The following BAHD1 variants were observed in gnomAD, a reference collection of about 807,000 sequenced individuals.
The protein encoded by BAHD1 is bromo adjacent homology domain containing 1.
In BAHD1, 20 loss-of-function variants were observed where a neutral mutation model predicts 63.1. That is an observed-to-expected ratio of 0.32 (90% CI 0.22 to 0.46). The LOEUF (loss-of-function observed/expected upper bound fraction) is 0.46. Among genes scored for constraint, BAHD1 ranks in the 20% least tolerant of loss-of-function variants. BAHD1 has a pLI of 1.00. For synonymous variants in BAHD1, 408 were observed against 426.8 expected (o/e 0.96, Z 0.54); for missense variants, 939 against 1,071.8 (o/e 0.88, Z 1.73).
upstream of BAHD1, among the ~76,000 whole-genome samples, chr15:40,440,736 C>T (rs1893373063): frequency 6.6e-6 from 1 of 152,142 alleles, no homozygotes; most frequent in Non-Finnish European, 1.5e-5. Context: ...CTCCCCGCAC[C>T]GCCTCCCCCG....
At chr15:40,438,339 A>G (rs752904905), upstream of BAHD1, among the ~76,000 whole-genome samples, 37 of 152,074 alleles carry the variant, frequency 2.4e-4, no homozygotes, top group Non-Finnish European at 5.1e-4. Context: ...CCTTTGGGGG[A>G]CAGGCAGGGT....
upstream of BAHD1, chr15:40,439,690 A>AAT (rs1448759971): frequency 6.6e-6 from 1 of 152,484 alleles, no homozygotes; most frequent in East Asian, 1.9e-4. Flanking sequence ...CTGAATTGGG[A>AAT]ATGAGGCTTT....
chr15:40,439,544 A>T (rs1893346156), upstream of BAHD1, among the ~76,000 whole-genome samples: 1 of 152,196 alleles, frequency 6.6e-6, no homozygotes, highest in Non-Finnish European at 1.5e-5. Context: ...GGGCAGCCTC[A>T]GCACTCTGGG....
chr15:40,452,649 C>T (rs897669880), intron 1 of BAHD1, among the ~76,000 whole-genome samples: 2 of 152,158 alleles, frequency 1.3e-5, no homozygotes, highest in Non-Finnish European at 2.9e-5. Flanking sequence ...CTTGTTTCCC[C>T]AGAGCAGTGC....
chr15:40,441,729 C>A (rs1317914880), intron 1 of BAHD1, among the ~76,000 whole-genome samples: 4 of 149,360 alleles, frequency 2.7e-5, no homozygotes, highest in African/African-American at 9.7e-5. Context: ...CCGCCGCGCC[C>A]CCTCCCCCAT....
intron 1 of BAHD1, among the ~76,000 whole-genome samples, chr15:40,446,331 G>A (rs1472470463): frequency 2.6e-5 from 4 of 152,236 alleles, no homozygotes; most frequent in South Asian, 4.1e-4. Flanking sequence ...ACTGAACACC[G>A]GCCCAGCCCT....
Position 40,466,098 on chromosome 15 carries a change from C to G in BAHD1, c.2311C>G (p.Arg771Gly). 6.2e-7 allele frequency: 1 copy of G among 1,613,950 alleles called. No individual in the cohort carries two copies. The highest frequency in any genetic ancestry group is 8.5e-7 in the Non-Finnish European group (1 of 1,179,876). Residue 771 changes from arginine (R) to glycine (G), a missense_variant, in exon 7 of 7, where the codon CGC (arginine) becomes GGC (glycine). Physicochemically the swap from Arg to Gly is moderately radical, Grantham distance 125. Coordinates refer to ENST00000416165, the MANE Select transcript of BAHD1 (RefSeq NM_014952.5). ...CCTTTGCCGCCATGTCTATGACTTCCGCCACGGGCGCATCCTTAAGAACCC... is the reference window on the plus strand; with the variant it reads ...CCTTTGCCGCCATGTCTATGACTTCGGCCACGGGCGCATCCTTAAGAACCC... ...VFLCRHVYDF[R>G]HGRILKNPQ
At chr15:40,443,999 G>A (rs1398184396) in intron 1 of BAHD1, among the ~76,000 whole-genome samples, 1 of 152,112 alleles carries the variant, frequency 6.6e-6, no homozygotes, top group Admixed American at 6.6e-5. Flanking sequence ...GGCCAACATA[G>A]TCATCCCCGC....
intron 3 of BAHD1, 38 bp from the exon 4 acceptor site, chr15:40,463,823 C>G: frequency 6.2e-7 from 1 of 1,610,210 alleles, no homozygotes; most frequent in Non-Finnish European, 8.5e-7. Context: ...CTGAGTGTGG[C>G]TCTGCAAGCC....
At chr15:40,452,611 C>T (rs1159161192) in intron 1 of BAHD1, among the ~76,000 whole-genome samples, 1 of 151,846 alleles carries the variant, frequency 6.6e-6, no homozygotes, top group African/African-American at 2.4e-5. Context: ...GTGATCTGGG[C>T]TGTGACCTGC....
Position 40,462,083 on chromosome 15 carries a change from G to A in BAHD1, c.1604G>A (p.Cys535Tyr), listed in dbSNP as rs1421048710. 2.5e-6 allele frequency: 4 copies of A among 1,613,436 alleles called. No individual in the cohort carries two copies. The South Asian group carries it at 3.3e-5, about 13-fold the overall frequency. Residue 535 changes from cysteine (C) to tyrosine (Y), a missense_variant, in exon 3 of 7, where the codon TGC becomes TAC. Transcript: ENST00000416165. ...TSEPQTVARACPQSAKPPSGS... is the reference protein window; with the variant it reads ...TSEPQTVARAYPQSAKPPSGS... ...GAGCCCCAGACAGTAGCCCGTGCGT[G>A]CCCTCAGAGCGCCAAACCTCCCAGC...
chr15:40,460,451 C>T (rs935212940), intron 2 of BAHD1, among the ~76,000 whole-genome samples: 2 of 152,092 alleles, frequency 1.3e-5, no homozygotes, highest in Non-Finnish European at 2.9e-5. Context: ...AGAGAAGTGC[C>T]CAGACTGAGC....
At chr15:40,464,358 G>A in intron 4 of BAHD1, 113 bp from the exon 5 acceptor site, 5 of 908,322 alleles carry the variant, frequency 5.5e-6, no homozygotes, top group Middle Eastern at 3.1e-4. Context: ...TGGGTTGCCG[G>A]AGCCTGCAGG....
At chr15:40,445,669 G>A (rs1308096805) in intron 1 of BAHD1, among the ~76,000 whole-genome samples, 7 of 152,158 alleles carry the variant, frequency 4.6e-5, no homozygotes, top group South Asian at 2.1e-4. Flanking sequence ...GAACAGCCCC[G>A]ACATTAAAGG....
In BAHD1 at chr15:40,462,188, C is replaced by A. The variant is rs1894066303; in HGVS notation, c.1709C>A (p.Pro570His). Residue 570 changes from proline to histidine, a missense_variant, in exon 3 of 7, where the codon CCC becomes CAC. Physicochemically the swap from Pro to His is moderately conservative, Grantham distance 77. This residue lies in a region of BAHD1 where 797 missense variants were observed against 813.3 expected (regional missense o/e 0.98). Coordinates refer to ENST00000416165, the MANE Select transcript of BAHD1 (RefSeq NM_014952.5). ...AAGGCTGCCCGCAGGCCTAGCCACCCCAAGCAGCCACGTGTCCAGCGCCCA... is the reference window on the plus strand; with the variant it reads ...AAGGCTGCCCGCAGGCCTAGCCACCACAAGCAGCCACGTGTCCAGCGCCCA... Reference protein sequence around the residue: ...RSKAARRPSHPKQPRVQRPRP... With the variant: ...RSKAARRPSHHKQPRVQRPRP... 6.2e-7 allele frequency: 1 copy of A among 1,612,522 alleles called. No individual in the cohort carries two copies. Among genetic ancestry groups the A allele is most frequent in the Non-Finnish European group, 8.5e-7 (1 of 1,179,918 alleles).
Position 40,458,952 on chromosome 15 carries a change from G to T in BAHD1, c.488G>T (p.Gly163Val), listed in dbSNP as rs757531810. 1 of 1,591,048 alleles carries T rather than the reference G, an allele frequency of 6.3e-7. No individual in the cohort carries two copies. The highest frequency in any genetic ancestry group is 1.1e-5 in the South Asian group (1 of 88,282). The change falls in exon 2 of 7, where the codon GGC becomes GTC. Residue 163 changes from glycine (G) to valine (V), a missense_variant. Physicochemically the swap from Gly to Val is moderately radical, Grantham distance 109 (BLOSUM62 -3). This residue lies in a region of BAHD1 where 797 missense variants were observed against 813.3 expected (regional missense o/e 0.98). Transcript: ENST00000416165. The surrounding 1 kb of genome is among the most constrained non-coding windows in gnomAD (Gnocchi z 4.7). ...CGTGACCGTGATCGTGCTACTGGGG[G>T]CTGGTCCTCCTCCAAGAAGCGGCCC... The part of the protein sequence containing the change: ...RSRDRDRATG[G>V]WSSSKKRPRL...
At chr15:40,449,427 T>G (rs1263649467) in intron 1 of BAHD1, among the ~76,000 whole-genome samples, 1 of 152,166 alleles carries the variant, frequency 6.6e-6, no homozygotes, top group Admixed American at 6.5e-5. Flanking sequence ...AGTACTACAT[T>G]CACTTGCTTA....
intron 1 of BAHD1, among the ~76,000 whole-genome samples, chr15:40,457,034 T>C (rs773705738): frequency 2.0e-5 from 3 of 152,124 alleles, no homozygotes; most frequent in Admixed American, 1.3e-4. Context: ...CGCAGGTGTA[T>C]GTTGGAGTGT....
chr15:40,465,835 G>A lies in BAHD1; in HGVS notation c.2154-106G>A. ...TGGAGACAGTACCACCCCTTGGGGA[G>A]CTAGGATAGCCTAGCTCTCTGGGTC... is the stretch of plus-strand genomic sequence containing the variant. On this transcript the variant is annotated intron_variant, in intron 6 of 6. Coordinates refer to ENST00000416165, the MANE Select transcript of BAHD1 (RefSeq NM_014952.5). 6.6e-6 allele frequency: 8 copies of A among 1,209,956 alleles called. No homozygotes were observed. The South Asian group carries it at 1.2e-4, about 18-fold the overall frequency. The allele number at this position is 1,209,956 out of a possible 1,614,324, so 75.0% of individuals were successfully genotyped here. A position where few individuals can be genotyped will look rare whatever the true frequency, so the allele number is the denominator to read the frequency against.
Sources: gnomAD v4.1 joint callset for allele counts (sites outside exome capture counted in the v4.1 genomes callset) on GRCh38, gnomAD v4.1.1 for gene constraint, gnomAD v4.1.1 regional missense constraint, Gnocchi (gnomAD v3.1) non-coding constraint, MANE v1.5 for transcripts, NCBI Gene and HGNC (gene_info 2026-07-23, HGNC 2026-07-21) for gene names.